Variants in TMEM108 observed in about 807,000 individuals in gnomAD.
The protein encoded by TMEM108 is transmembrane protein 108, also known as cancer/testis antigen 124.
A neutral mutation model predicts 35.1 loss-of-function variants in TMEM108; 12 were observed. That is an observed-to-expected ratio of 0.34 (90% CI 0.22 to 0.55). The LOEUF (loss-of-function observed/expected upper bound fraction) is 0.55. Ranked by LOEUF, TMEM108 falls within the 20% of genes least tolerant of loss-of-function variation. The pLI is 0.89. For missense variants in TMEM108, 680 were observed against 753.3 expected (o/e 0.90, Z 1.14); for synonymous variants, 287 against 308.6 (o/e 0.93, Z 0.73).
chr3:133,107,607 CA>C (rs1944169973), intron 2 of TMEM108, among the ~76,000 whole-genome samples: 2 of 152,106 alleles, frequency 1.3e-5, no homozygotes, highest in African/African-American at 4.8e-5. Context: ...AGTCAGATTA[CA>C]AAGGGGATTT....
intron 2 of TMEM108, among the ~76,000 whole-genome samples, chr3:133,166,521 C>T (rs559285931): frequency 5.3e-5 from 8 of 152,214 alleles, no homozygotes; most frequent in South Asian, 2.1e-4. Context: ...CGGACGTGTT[C>T]GGAGTTTCTT....
intron 2 of TMEM108, among the ~76,000 whole-genome samples, chr3:133,065,081 A>G (rs150869967): frequency 2.3e-3 from 345 of 152,346 alleles, no homozygotes; most frequent in Non-Finnish European, 3.5e-3. Flanking sequence ...AGTTGGGGAA[A>G]CTATCTCACC....
chr3:133,187,183 A>G (rs960974490), intron 2 of TMEM108, among the ~76,000 whole-genome samples: 20 of 152,358 alleles, frequency 1.3e-4, no homozygotes, highest in Non-Finnish European at 2.6e-4. Context: ...TGATTCACAT[A>G]TGCAGAACTG....
intron 2 of TMEM108, among the ~76,000 whole-genome samples, chr3:133,167,577 C>T (rs550203041): frequency 6.6e-6 from 1 of 152,358 alleles, no homozygotes; most frequent in African/African-American, 2.4e-5. Flanking sequence ...TCGAGCATGG[C>T]ACGGGTGGGC....
At chr3:133,339,211 A>G (rs2071589667) in intron 3 of TMEM108, among the ~76,000 whole-genome samples, 1 of 151,888 alleles carries the variant, frequency 6.6e-6, no homozygotes, top group East Asian at 1.9e-4. Flanking sequence ...TCAGTTGCCT[A>G]TAAGAAACAC....
chr3:133,135,172 T>G (rs1347205182), intron 2 of TMEM108, among the ~76,000 whole-genome samples: 2 of 149,568 alleles, frequency 1.3e-5, no homozygotes, highest in African/African-American at 2.5e-5. Context: ...TTTTTTTTTC[T>G]TTCTTTCTGC....
At chr3:133,343,052 A>G (rs2071713110) in intron 3 of TMEM108, among the ~76,000 whole-genome samples, 1 of 151,838 alleles carries the variant, frequency 6.6e-6, no homozygotes, top group African/African-American at 2.4e-5. Context: ...TTACATGTCA[A>G]GAAAAAATGT....
chr3:133,195,727 G>T (rs1476433061), intron 2 of TMEM108, among the ~76,000 whole-genome samples: 1 of 152,202 alleles, frequency 6.6e-6, no homozygotes, highest in Non-Finnish European at 1.5e-5. Context: ...AAGAGTCTCT[G>T]CCAGGAAGCA....
chr3:133,196,737 G>A (rs112357768), intron 2 of TMEM108, among the ~76,000 whole-genome samples: 2,289 of 152,278 alleles, frequency 0.015, 76 homozygotes, highest in African/African-American at 0.051. Flanking sequence ...GCTCCATGAT[G>A]CCATTGACAT....
chr3:133,204,588 A>G (rs1945722798), intron 2 of TMEM108, among the ~76,000 whole-genome samples: 2 of 152,170 alleles, frequency 1.3e-5, no homozygotes, highest in Admixed American at 1.3e-4. Context: ...CAGGTTGTTC[A>G]GTTTCTGTGT....
intron 2 of TMEM108, among the ~76,000 whole-genome samples, chr3:133,224,086 T>C (rs1946032013): frequency 6.6e-6 from 1 of 152,264 alleles, no homozygotes. Flanking sequence ...GAAGGGCTTA[T>C]AATCCCCTTG....
chr3:133,391,810 C>A (rs1576547313), intron 5 of TMEM108, among the ~76,000 whole-genome samples: 1 of 152,344 alleles, frequency 6.6e-6, no homozygotes, highest in East Asian at 1.9e-4. Context: ...CCTTAACCTG[C>A]CAGGCTGGGT....
chr3:133,044,865 G>A (rs7619393), intron 1 of TMEM108, among the ~76,000 whole-genome samples: 60,954 of 152,028 alleles, frequency 0.4, 12,800 homozygotes, highest in Admixed American at 0.5. Flanking sequence ...GCTGAGGTGC[G>A]AGGATCACTT....
chr3:133,312,713 G>A (rs1462652068), intron 3 of TMEM108, among the ~76,000 whole-genome samples: 1 of 152,230 alleles, frequency 6.6e-6, no homozygotes, highest in Non-Finnish European at 1.5e-5. Flanking sequence ...CCCTGCTTTG[G>A]CTCGCCCTCT....
intron 2 of TMEM108, among the ~76,000 whole-genome samples, chr3:133,158,997 A>G (rs1944921973): frequency 6.6e-6 from 1 of 152,212 alleles, no homozygotes; most frequent in Non-Finnish European, 1.5e-5. Flanking sequence ...AAAATGTCAC[A>G]AGCATGCTAT....
chr3:133,086,547 C>T (rs1297795875), intron 2 of TMEM108, among the ~76,000 whole-genome samples: 3 of 152,116 alleles, frequency 2.0e-5, no homozygotes, highest in African/African-American at 7.2e-5. Context: ...AATAATTGTA[C>T]AGTTTAATGA....
intron 3 of TMEM108, among the ~76,000 whole-genome samples, chr3:133,367,896 T>G (rs376305267): frequency 1.3e-5 from 2 of 152,198 alleles, no homozygotes; most frequent in East Asian, 3.9e-4. Context: ...TCAGCATGCC[T>G]GGGAGGATGT....
rs375124979 is a variant in TMEM108, at chr3:133,040,206, GTTTT to G, written c.-166+1783_-166+1786del. Among the ~76,000 whole-genome samples, 899 of 129,926 alleles carry G rather than the reference GTTTT, an allele frequency of 6.9e-3. 12 individuals are homozygous for G. The highest frequency in any genetic ancestry group is 0.031 in the Middle Eastern group (8 of 258). 85.2% of individuals were successfully genotyped at this position (129,926 alleles called of 152,430 possible). A position where few individuals can be genotyped will look rare whatever the true frequency, so the allele number is the denominator to read the frequency against. On this transcript the variant is annotated intron_variant, in intron 1 of 5. Coordinates refer to ENST00000321871, the MANE Select transcript of TMEM108 (RefSeq NM_023943.4). Reference sequence around the variant, plus strand: ...CACAGTTTTTTTTGTTTGTTTGTTTGTTTTTTTTTTTTTTTGAGACGGAGTCTCC... The same window carrying G: ...CACAGTTTTTTTTGTTTGTTTGTTTGTTTTTTTTTTTGAGACGGAGTCTCC...
intron 2 of TMEM108, among the ~76,000 whole-genome samples, chr3:133,098,172 C>T (rs1944040632): frequency 6.6e-6 from 1 of 152,112 alleles, no homozygotes; most frequent in East Asian, 1.9e-4. Context: ...CTGGGGAGGC[C>T]TCAGAAACAT....
Sources: gnomAD v4.1 joint callset for allele counts (sites outside exome capture counted in the v4.1 genomes callset) on GRCh38, gnomAD v4.1.1 for gene constraint, MANE v1.5 for transcripts, NCBI Gene and HGNC (gene_info 2026-07-23, HGNC 2026-07-21) for gene names.